The following ZFR2 variants were observed in gnomAD, a reference collection of about 807,000 sequenced individuals.
ZFR2 encodes zinc finger RNA binding protein 2.
Under a neutral mutation model 105.7 loss-of-function variants are expected in ZFR2, and 104 were observed. The ratio of observed to expected loss-of-function variants is 0.98; its 90% CI spans 0.84 to 1.16. ZFR2 has a LOEUF of 1.16. ZFR2 is among the 50% of genes most tolerant of loss of function. The probability of loss-of-function intolerance (pLI) is 0.00; values close to 1 mark genes in which losing one functional copy is unlikely to be tolerated. For missense variants in ZFR2, 1,425 were observed against 1,355.5 expected (o/e 1.05, Z -0.80); for synonymous variants, 634 against 597.7 (o/e 1.06, Z -0.89).
intron 11 of ZFR2, 134 bp from the exon 12 acceptor site, chr19:3,819,369 A>G: frequency 1.1e-6 from 1 of 940,296 alleles, no homozygotes; most frequent in Non-Finnish European, 1.5e-6. Context: ...GTGAGAATCC[A>G]GTGCACACAG....
chr19:3,815,750 A>ATTT (rs10579892), intron 13 of ZFR2, among the ~76,000 whole-genome samples: 1 of 136,974 alleles, frequency 7.3e-6, no homozygotes, highest in Admixed American at 7.3e-5. Context: ...TGCTCAGCTA[A>ATTT]TTTTTTTTTT....
At position 3,811,323 on chromosome 19, in the gene ZFR2, G is replaced by A; in HGVS notation, c.2286C>T (p.Pro762=). 1.9e-6 allele frequency: 3 copies of A among 1,605,680 alleles called. No individual in the cohort carries two copies. The highest frequency in any genetic ancestry group is 2.5e-6 in the Non-Finnish European group (3 of 1,176,728). The change falls in exon 15 of 19, where the codon CCC becomes CCT. Residue 762 remains proline (P), a synonymous_variant. Transcript: ENST00000262961. ...CGGCCAGGGACTCGAGGCACTTCTTGGGGCTCAGGACATCACCTGCATCAG... is the reference window on the plus strand; with the variant it reads ...CGGCCAGGGACTCGAGGCACTTCTTAGGGCTCAGGACATCACCTGCATCAG... ...PQADAGDVLS[P]KKCLESLAAL...
chr19:3,858,292 G>A lies in ZFR2; in HGVS notation c.53+10673C>T, dbSNP rs1283936907. Among the ~76,000 whole-genome samples the A allele has an allele frequency of 1.3e-5, 2 of 152,166 alleles. No individual in the cohort carries two copies. Among genetic ancestry groups the A allele is most frequent in the African/African-American group, 4.8e-5 (2 of 41,444 alleles). ...GTGGTCCACACTTCAGAGGGACACG[G>A]GTGGGATCTGCAGATAGAGGCAGGT... On this transcript the variant is annotated intron_variant, in intron 1 of 18. Transcript: ENST00000262961. The surrounding 1 kb of genome is among the most constrained non-coding windows in gnomAD (Gnocchi z 4.3).
At chr19:3,867,306 G>C (rs1027731058) in intron 1 of ZFR2, among the ~76,000 whole-genome samples, 6 of 150,872 alleles carry the variant, frequency 4.0e-5, no homozygotes, top group Non-Finnish European at 7.4e-5. Flanking sequence ...TCAACTGTTG[G>C]GGGGGGAATC....
At chr19:3,846,296 G>C (rs1186011390) in intron 1 of ZFR2, among the ~76,000 whole-genome samples, 1 of 152,176 alleles carries the variant, frequency 6.6e-6, no homozygotes, top group Non-Finnish European at 1.5e-5. Context: ...AAATATTTTT[G>C]ATCGGCAGTT....
chr19:3,846,674 A>C (rs1467523178), intron 1 of ZFR2, among the ~76,000 whole-genome samples: 1 of 152,228 alleles, frequency 6.6e-6, no homozygotes, highest in Non-Finnish European at 1.5e-5. Flanking sequence ...CTTACTACAT[A>C]AGCGGAATGT....
rs148316734 is a variant in ZFR2, at chr19:3,865,984, G to C, written c.53+2981C>G. Among the ~76,000 whole-genome samples, 131 of 152,240 alleles carry C rather than the reference G, an allele frequency of 8.6e-4. 2 individuals are homozygous for C. The highest frequency in any genetic ancestry group is 8.3e-3 in the South Asian group (40 of 4,814). On this transcript the variant is annotated intron_variant, in intron 1 of 18. Transcript: ENST00000262961. ...AGCCTCCCGAGTAACTGGGATTACAGGCGCGCGACACCACGCCCGGCTAAT... is the reference window on the plus strand; with the variant it reads ...AGCCTCCCGAGTAACTGGGATTACACGCGCGCGACACCACGCCCGGCTAAT...
intron 12 of ZFR2, among the ~76,000 whole-genome samples, chr19:3,818,245 C>T (rs746598047): frequency 5.9e-5 from 9 of 152,168 alleles, no homozygotes; most frequent in Non-Finnish European, 1.2e-4. Context: ...GTGGGAGGAT[C>T]GCTTGAGCCC....
At chr19:3,867,919 C>T (rs943419758) in intron 1 of ZFR2, among the ~76,000 whole-genome samples, 11 of 151,906 alleles carry the variant, frequency 7.2e-5, no homozygotes, top group African/African-American at 2.7e-4. Flanking sequence ...TGCTAGGTAC[C>T]CTCCCAGGTC....
At position 3,858,401 on chromosome 19, in the gene ZFR2, A is replaced by G. The variant is rs1277388422; in HGVS notation, c.53+10564T>C. 2.6e-5 allele frequency among the ~76,000 whole-genome samples: 4 copies of G among 152,228 alleles called. No individual in the cohort carries two copies. Among genetic ancestry groups the G allele is most frequent in the African/African-American group, 9.6e-5 (4 of 41,454 alleles). ...TAATTTCTGCTGAACACTGCATTGA[A>G]TAACTCAATGGGAACACACACACAC... On this transcript the variant is annotated intron_variant, in intron 1 of 18. Coordinates refer to ENST00000262961, the MANE Select transcript of ZFR2 (RefSeq NM_015174.2). This position sits in a 1 kb window ranked among gnomAD's most constrained non-coding sequence, Gnocchi z 4.3.
intron 13 of ZFR2, among the ~76,000 whole-genome samples, chr19:3,815,736 G>T (rs926158818): frequency 6.7e-6 from 1 of 150,182 alleles, no homozygotes; most frequent in African/African-American, 2.5e-5. Flanking sequence ...GGTACATGCC[G>T]CCATGCTCAG....
rs191373047 is a variant in ZFR2 at position 3,821,285 on chromosome 19, C to T, written c.1631+55G>A. 2.0e-3 allele frequency: 3,024 copies of T among 1,494,302 alleles called. 2 individuals are homozygous for T. Among genetic ancestry groups the T allele is most frequent in the Non-Finnish European group, 2.5e-3 (2,806 of 1,123,764 alleles). The allele number at this position is 1,494,302 out of a possible 1,614,324, so 92.6% of individuals were successfully genotyped here. A position where few individuals can be genotyped will look rare whatever the true frequency, so the allele number is the denominator to read the frequency against. On this transcript the variant is annotated intron_variant, in intron 10 of 18. Coordinates refer to ENST00000262961, the MANE Select transcript of ZFR2 (RefSeq NM_015174.2). ...TGCAGCAGTGGGCGTCTAGGTTCCA[C>T]GCTGGACCTGCCCTCCCTCACCAGG...
chr19:3,839,071 G>A (rs764800968), intron 1 of ZFR2, among the ~76,000 whole-genome samples: 14 of 152,268 alleles, frequency 9.2e-5, no homozygotes, highest in Admixed American at 2.0e-4. Context: ...CCCTGGGACC[G>A]CACACGCTCT....
chr19:3,814,015 A>G (rs2037799947), intron 13 of ZFR2, 57 bp from the exon 14 acceptor site: 10 of 1,602,564 alleles, frequency 6.2e-6, no homozygotes, highest in Non-Finnish European at 8.5e-6. Context: ...TTCATGTGTA[A>G]ATCAGCCAGG....
chr19:3,817,428 G>A (rs1041189776), intron 12 of ZFR2, among the ~76,000 whole-genome samples: 10 of 151,666 alleles, frequency 6.6e-5, no homozygotes, highest in Non-Finnish European at 1.5e-4. Context: ...GCATGGTGGC[G>A]GGTGCCTGTA....
rs1231214723 is a variant in ZFR2 at position 3,819,080 on chromosome 19, G to C, written c.1896C>G (p.Asp632Glu). 2 of 1,612,192 alleles carry C rather than the reference G, an allele frequency of 1.2e-6. No homozygotes were observed. The highest frequency in any genetic ancestry group is 1.7e-6 in the Non-Finnish European group (2 of 1,179,778). The stretch of plus-strand genomic sequence containing the variant: ...CACCCTCTTCCTCTCGGCGGCCCCG[G>C]TCCTCCTCGGCCAGTGTGTCGGACA... ...KLVSDTLAEE[D>E]RGRREEEGDK... The change falls in exon 12 of 19, where the codon GAC becomes GAG. Residue 632 changes from aspartate (D) to glutamate (E), a missense_variant. Transcript: ENST00000262961.
rs368881314 is a variant in ZFR2, at chr19:3,805,927, G to A, written c.*22C>T. Reference sequence around the variant, plus strand: ...CAGGAGTGCAGGGATGCAAAGGCCCGCAGGTGGGGGAGGTAGGCGGCTCAC... The same window carrying A: ...CAGGAGTGCAGGGATGCAAAGGCCCACAGGTGGGGGAGGTAGGCGGCTCAC... On this transcript the variant is annotated 3_prime_UTR_variant, in exon 19 of 19. Coordinates refer to ENST00000262961, the MANE Select transcript of ZFR2 (RefSeq NM_015174.2). 4.6e-3 allele frequency: 6,961 copies of A among 1,514,064 alleles called. 54 individuals carry two copies. Among genetic ancestry groups the A allele is most frequent in the South Asian group, 0.021 (1,671 of 81,360 alleles). The allele number at this position is 1,514,064 out of a possible 1,614,324, so 93.8% of individuals were successfully genotyped here. A position where few individuals can be genotyped will look rare whatever the true frequency, so the allele number is the denominator to read the frequency against.
At chr19:3,826,437 CTT>C (rs897841204) in intron 6 of ZFR2, among the ~76,000 whole-genome samples, 1 of 147,948 alleles carries the variant, frequency 6.8e-6, no homozygotes, top group South Asian at 2.2e-4. Context: ...ACCCAGGCCT[CTT>C]TTTTTTTTCT....
chr19:3,866,085 G>A (rs1275798148), intron 1 of ZFR2, among the ~76,000 whole-genome samples: 3 of 152,014 alleles, frequency 2.0e-5, no homozygotes, highest in Admixed American at 1.3e-4. Flanking sequence ...CAAGCGATCC[G>A]CTTGCCTCGG....
Sources: gnomAD v4.1 joint callset for allele counts (sites outside exome capture counted in the v4.1 genomes callset) on GRCh38, gnomAD v4.1.1 for gene constraint, Gnocchi (gnomAD v3.1) non-coding constraint, MANE v1.5 for transcripts, NCBI Gene and HGNC (gene_info 2026-07-23, HGNC 2026-07-21) for gene names.